Variants in DMD observed in about 807,000 individuals in gnomAD.
The protein encoded by DMD is mutant dystrophin.
DMD carries 63 observed loss-of-function variants against 330.1 expected under a neutral mutation model. The observed-to-expected ratio is 0.19, with a 90% CI of 0.16 to 0.24. The LOEUF is 0.24. Among genes scored for constraint, DMD ranks in the 10% least tolerant of loss-of-function variants. The pLI is 1.00. For missense variants in DMD, 3,344 were observed against 2,684.1 expected, an observed-to-expected ratio of 1.25 and a Z score of -5.43; for synonymous variants, 1,223 against 959.8, an observed-to-expected ratio of 1.27 and a Z score of -5.07.
intron 50 of DMD, among the ~76,000 whole-genome samples, chrX:31,799,652 A>G (rs2149343485): frequency 9.0e-6 from 1 of 111,553 alleles, no homozygotes; most frequent in African/African-American, 3.3e-5. Context: ...ATGCCTTCCC[A>G]ACAGTCACCC....
chrX:31,714,490 T>C (rs1569279450), intron 52 of DMD, among the ~76,000 whole-genome samples: 1 of 111,762 alleles, frequency 8.9e-6, no homozygotes, highest in South Asian at 3.7e-4. Context: ...ATTCCCTTTA[T>C]TTGTATTCCT....
rs115902591 is a variant in DMD, at chrX:32,600,561, C to A, written c.1483-4685G>T. Reference sequence around the variant, plus strand: ...CATTGAATACCCAACAGCTAATTGCCGGTACTTGCAGGTCACACACACACA... The same window carrying A: ...CATTGAATACCCAACAGCTAATTGCAGGTACTTGCAGGTCACACACACACA... On this transcript the variant is annotated intron_variant, in intron 12 of 78. Transcript: ENST00000357033. 2.6e-3 allele frequency among the ~76,000 whole-genome samples: 258 copies of A among 98,140 alleles called. 2 individuals are homozygous for A. The highest frequency in any genetic ancestry group is 1.0e-2 in the Middle Eastern group (2 of 201). The allele number at this position is 98,140 out of a possible 115,157, so 85.2% of individuals were successfully genotyped here.
chrX:32,377,363 G>A (rs1363474542), intron 34 of DMD, among the ~76,000 whole-genome samples: 1 of 111,846 alleles, frequency 8.9e-6, no homozygotes, highest in Non-Finnish European at 1.9e-5. Flanking sequence ...CATTCACTGA[G>A]AGATTGATAC....
At chrX:32,378,710 G>T (rs943925237) in intron 34 of DMD, among the ~76,000 whole-genome samples, 5 of 110,524 alleles carry the variant, frequency 4.5e-5, no homozygotes, top group Non-Finnish European at 9.5e-5. Context: ...CAAATTTGCT[G>T]CAGTCACATT....
intron 44 of DMD, among the ~76,000 whole-genome samples, chrX:32,019,841 T>A (rs189499559): frequency 8.9e-6 from 1 of 112,715 alleles, no homozygotes; most frequent in East Asian, 2.8e-4. Flanking sequence ...TAACTTATTT[T>A]AGTTTGTTAA....
chrX:32,372,515 C>T (rs2097883220), intron 34 of DMD, among the ~76,000 whole-genome samples: 1 of 111,389 alleles, frequency 9.0e-6, no homozygotes, highest in Non-Finnish European at 1.9e-5. Context: ...TGTTTGTCAC[C>T]TCAGCCTAGA....
chrX:33,199,714 A>G (rs2051157644), intron 1 of DMD, among the ~76,000 whole-genome samples: 1 of 111,482 alleles, frequency 9.0e-6, no homozygotes, highest in Admixed American at 9.6e-5. Context: ...ATCCCAAGGA[A>G]ACCTAATTTT....
chrX:33,290,573 A>G (rs1029492585), intron 1 of DMD, among the ~76,000 whole-genome samples: 1 of 111,181 alleles, frequency 9.0e-6, no homozygotes, highest in African/African-American at 3.3e-5. Flanking sequence ...CCTCAAATAT[A>G]CTTGCTTCTT....
intron 1 of DMD, among the ~76,000 whole-genome samples, chrX:33,309,899 A>C (rs1405593739): frequency 9.0e-6 from 1 of 111,415 alleles, no homozygotes; most frequent in South Asian, 3.7e-4. Context: ...TCCATCAAAA[A>C]TGAAGCATAG....
intron 34 of DMD, among the ~76,000 whole-genome samples, chrX:32,378,375 T>C (rs1423861675): frequency 9.1e-6 from 1 of 109,531 alleles, no homozygotes; most frequent in Non-Finnish European, 1.9e-5. Context: ...TATGTATCTC[T>C]TCAAGCCACA....
At chrX:32,513,960 G>A in intron 18 of DMD, among the ~76,000 whole-genome samples, 1 of 111,669 alleles carries the variant, frequency 9.0e-6, no homozygotes, top group Non-Finnish European at 1.9e-5. Flanking sequence ...GGGAAAAGAG[G>A]TTAATAGGTT....
chrX:32,849,340 T>C (rs747762303), intron 3 of DMD, among the ~76,000 whole-genome samples: 4 of 111,854 alleles, frequency 3.6e-5, no homozygotes, highest in Non-Finnish European at 5.6e-5. Context: ...TACACTATAA[T>C]GCCTGTACCT....
intron 74 of DMD, among the ~76,000 whole-genome samples, chrX:31,153,005 CCTCT>C (rs2037634051): frequency 8.9e-6 from 1 of 112,057 alleles, no homozygotes; most frequent in Admixed American, 9.4e-5. Flanking sequence ...TTAATATTTT[CCTCT>C]CTTTTTAAAC....
At chrX:31,423,831 C>T (rs762802763) in intron 60 of DMD, among the ~76,000 whole-genome samples, 30 of 111,476 alleles carry the variant, frequency 2.7e-4, no homozygotes, top group Non-Finnish European at 5.1e-4. Flanking sequence ...TTAGTGTTGT[C>T]TGAATGTCAG....
chrX:33,310,412 C>T (rs1327019774), intron 1 of DMD, among the ~76,000 whole-genome samples: 2 of 111,114 alleles, frequency 1.8e-5, no homozygotes, highest in Non-Finnish European at 3.8e-5. Context: ...TAATCTGAGT[C>T]AATTTAACTC....
chrX:32,509,697 AGAAGT>A (rs1194502001), intron 18 of DMD, among the ~76,000 whole-genome samples: 1 of 111,723 alleles, frequency 9.0e-6, no homozygotes, highest in East Asian at 2.8e-4. Flanking sequence ...TTTTCTTCTT[AGAAGT>A]ATTTGCTAAT....
intron 1 of DMD, among the ~76,000 whole-genome samples, chrX:33,027,670 G>T (rs893569315): frequency 9.0e-6 from 1 of 111,068 alleles, no homozygotes; most frequent in Non-Finnish European, 1.9e-5. Flanking sequence ...ACAACAAAAG[G>T]GTATGTTGAT....
rs1603450145 is a variant in DMD at position 32,861,667 on chromosome X, A to G, written c.94-11847T>C. On this transcript the variant is annotated intron_variant, in intron 2 of 78. Coordinates refer to ENST00000357033, the MANE Select transcript of DMD (RefSeq NM_004006.3). ...AACTGAGAAGAGAAGATTATCTGAC[A>G]GGAGCTTTGATATTGGGTGATGGAA... Among the ~76,000 whole-genome samples the G allele has an allele frequency of 3.6e-5, 4 of 111,841 alleles. No homozygotes were observed. The Admixed American group carries it at 3.8e-4, about 11-fold the overall frequency.
At chrX:32,770,831 G>C (rs1474788408) in intron 7 of DMD, among the ~76,000 whole-genome samples, 2 of 111,865 alleles carry the variant, frequency 1.8e-5, no homozygotes, top group African/African-American at 6.5e-5. Context: ...TCAGGTCATG[G>C]CAAGTCCTAT....
Sources: allele counts gnomAD v4.1 joint callset (sites outside exome capture counted in the v4.1 genomes callset), GRCh38; gene constraint gnomAD v4.1.1; transcripts MANE v1.5; gene names NCBI Gene and HGNC (gene_info 2026-07-23, HGNC 2026-07-21).